EIF4E3: variants seen among roughly 807,000 people sequenced by gnomAD.
The protein encoded by EIF4E3 is eukaryotic translation initiation factor 4E type 3.
In EIF4E3, 26 loss-of-function variants were observed where a neutral mutation model predicts 31.7. The observed-to-expected ratio is 0.82, with a 90% confidence interval of 0.60 to 1.14. The LOEUF (loss-of-function observed/expected upper bound fraction) is 1.14. Ranked by LOEUF, EIF4E3 falls within the 50% of genes most tolerant of loss-of-function variation. The pLI is 0.00. For missense variants in EIF4E3, 304 were observed against 270.9 expected (o/e 1.12, Z -0.86); for synonymous variants, 128 against 107.7 (o/e 1.19, Z -1.17).
chr3:71,733,508 T>C (rs1477310309), intron 1 of EIF4E3, among the ~76,000 whole-genome samples: 1 of 152,206 alleles, frequency 6.6e-6, no homozygotes, highest in East Asian at 1.9e-4. Flanking sequence ...ATAAGAAATC[T>C]TGATACAGAA....
chr3:71,721,550 C>T (rs573142181), intron 1 of EIF4E3, among the ~76,000 whole-genome samples: 8 of 152,162 alleles, frequency 5.3e-5, no homozygotes, highest in South Asian at 2.1e-4. Context: ...TGAAGGTAAC[C>T]GGATCATGGG....
chr3:71,729,431 G>C (rs1417440263), upstream of EIF4E3, among the ~76,000 whole-genome samples: 1 of 152,160 alleles, frequency 6.6e-6, no homozygotes, highest in Non-Finnish European at 1.5e-5. Context: ...GGAGGGAATT[G>C]GCCAGTGGCT....
chr3:71,690,201 T>C, intron 5 of EIF4E3, 36 bp from the exon 6 acceptor site: 1 of 1,576,370 alleles, frequency 6.3e-7, no homozygotes, highest in Non-Finnish European at 8.6e-7. Context: ...AAATGAGTGA[T>C]ACTTCCAAGT....
chr3:71,743,869 C>G (rs986902226), intron 1 of EIF4E3, among the ~76,000 whole-genome samples: 3 of 152,104 alleles, frequency 2.0e-5, no homozygotes, highest in African/African-American at 7.2e-5. Flanking sequence ...GGTGCTGGAA[C>G]AGTTGAATAT....
At chr3:71,667,715 CA>C in the EIF4E3 span, among the ~76,000 whole-genome samples, 356 of 152,292 alleles carry the variant, frequency 2.3e-3, 1 homozygote, top group African/African-American at 7.0e-3. Context: ...AGGACCTCTT[CA>C]AGAAGAACTA....
Position 71,679,429 on chromosome 3 carries a change from T to G in EIF4E3, c.*5253A>C, listed in dbSNP as rs979892299. The G allele has an allele frequency of 1.3e-5, 2 of 152,218 alleles. No individual in the cohort carries two copies. The highest frequency in any genetic ancestry group is 4.8e-5 in the African/African-American group (2 of 41,466). 9.4% of individuals were successfully genotyped at this position (152,218 alleles called of 1,614,324 possible). A position where few individuals can be genotyped will look rare whatever the true frequency, so the allele number is the denominator to read the frequency against. On this transcript the variant is annotated 3_prime_UTR_variant, in exon 7 of 7. Coordinates refer to ENST00000425534, the MANE Select transcript of EIF4E3 (RefSeq NM_001134651.2). ...TTCATAAAGAAATCTTGCATTTCAC[T>G]AAATGAGTTGGTAACTTTTTTCAGG...
In EIF4E3 at chr3:71,696,452, G is replaced by A. The variant is rs1181823395; in HGVS notation, c.405+8C>T. The A allele has an allele frequency of 1.2e-6, 2 of 1,614,006 alleles. No homozygotes were observed. ...GCCGGTTCTAGAAGAGGATCAGTAG[G>A]AACCTACCGTGCTGTCCTTGGGGAC... On this transcript the variant is annotated splice_region_variant and intron_variant, in intron 4 of 6. Transcript: ENST00000425534.
chr3:71,693,048 G>T (rs1233247224), intron 5 of EIF4E3, among the ~76,000 whole-genome samples: 37 of 152,152 alleles, frequency 2.4e-4, no homozygotes. Context: ...AGACATCTGA[G>T]GGACAACTGA....
rs2049613994 is a variant in EIF4E3 at position 71,725,200 on chromosome 3, C to T, written c.168G>A (p.Trp56Ter). The T allele has an allele frequency of 8.9e-7, 1 of 1,122,736 alleles. No homozygotes were observed. Among genetic ancestry groups the T allele is most frequent in the Non-Finnish European group, 1.1e-6 (1 of 915,366 alleles). 69.5% of individuals were successfully genotyped at this position (1,122,736 alleles called of 1,614,324 possible). A position where few individuals can be genotyped will look rare whatever the true frequency, so the allele number is the denominator to read the frequency against. Reference sequence around the variant, plus strand: ...GCCCCGCGCCCCCTCACCTGTCGAGCCAGAAGGTCCAGGACGAGTGCAGCG... The same window carrying T: ...GCCCCGCGCCCCCTCACCTGTCGAGTCAGAAGGTCCAGGACGAGTGCAGCG... ...GVPLHSSWTFWLDRSLPGATA... is the reference protein window; with the variant it reads ...GVPLHSSWTF The change falls in exon 1 of 7, where the codon TGG becomes TGA. Residue 56 changes from tryptophan to a stop codon, truncating the protein, a stop_gained. Transcript: ENST00000425534. LOFTEE classifies it high-confidence loss of function. This position sits in a 1 kb window ranked among gnomAD's most constrained non-coding sequence, Gnocchi z 6.1.
chr3:71,709,998 T>A (rs1455090882), intron 2 of EIF4E3, among the ~76,000 whole-genome samples: 1 of 152,124 alleles, frequency 6.6e-6, no homozygotes, highest in African/African-American at 2.4e-5. Flanking sequence ...CCATGTGACC[T>A]CTAAACCTTT....
At chr3:71,704,476 C>T (rs1040584264) in intron 2 of EIF4E3, among the ~76,000 whole-genome samples, 5 of 151,962 alleles carry the variant, frequency 3.3e-5, no homozygotes, top group East Asian at 1.9e-4. Context: ...TTATTCTGGC[C>T]GGGAGGGCCT....
intron 3 of EIF4E3, among the ~76,000 whole-genome samples, chr3:71,698,926 T>C (rs188370478): frequency 6.6e-6 from 1 of 152,244 alleles, no homozygotes; most frequent in East Asian, 1.9e-4. Context: ...TTTGCTCAAA[T>C]TACATTTCTG....
chr3:71,696,349 GT>G, intron 4 of EIF4E3, 110 bp downstream of exon 4: 2 of 1,150,330 alleles, frequency 1.7e-6, no homozygotes, highest in Non-Finnish European at 2.6e-6. Flanking sequence ...CCCCCAGCCT[GT>G]TTGGGGACTG....
intron 1 of EIF4E3, among the ~76,000 whole-genome samples, chr3:71,714,363 A>C (rs568552698): frequency 1.8e-4 from 27 of 152,280 alleles, no homozygotes; most frequent in African/African-American, 6.3e-4. Context: ...AAAAGAAAGG[A>C]GATATGTCAG....
chr3:71,710,380 G>C, intron 2 of EIF4E3, 32 bp downstream of exon 2: 3 of 1,546,964 alleles, frequency 1.9e-6, no homozygotes, highest in Non-Finnish European at 2.6e-6. Flanking sequence ...CGTGTGCCGT[G>C]TTAATCCAGT....
At chr3:71,674,544 G>T (rs186311654), downstream of EIF4E3, among the ~76,000 whole-genome samples, 1,388 of 152,282 alleles carry the variant, frequency 9.1e-3, 25 homozygotes, top group African/African-American at 0.031. Context: ...GGGATGATTT[G>T]TTTTTTCCCA....
In EIF4E3 at chr3:71,676,992, T is replaced by C. The variant is rs1162331262; in HGVS notation, c.*7690A>G. ...AAACAAATGATTTAAGTTTCCTGAG[T>C]TAAAGAGGAAATTGGGGAGTAAGAG... On this transcript the variant is annotated 3_prime_UTR_variant, in exon 7 of 7. Coordinates refer to ENST00000425534, the MANE Select transcript of EIF4E3 (RefSeq NM_001134651.2). The C allele has an allele frequency of 6.6e-6, 1 of 152,132 alleles. No homozygotes were observed. Among genetic ancestry groups the C allele is most frequent in the Non-Finnish European group, 1.5e-5 (1 of 68,028 alleles). The allele number at this position is 152,132 out of a possible 1,614,324, so 9.4% of individuals were successfully genotyped here.
At chr3:71,723,467 T>C (rs9680899) in intron 1 of EIF4E3, among the ~76,000 whole-genome samples, 26,210 of 152,078 alleles carry the variant, frequency 0.17, 2,350 homozygotes, top group East Asian at 0.31. Flanking sequence ...CAAAAATGTG[T>C]AAATCAATAG....
chr3:71,719,491 G>C (rs2049513508), intron 1 of EIF4E3, among the ~76,000 whole-genome samples: 1 of 151,812 alleles, frequency 6.6e-6, no homozygotes, highest in Non-Finnish European at 1.5e-5. Context: ...ACCATGATTG[G>C]GTAGGGTTGG....
Sources: gnomAD v4.1 joint callset for allele counts (sites outside exome capture counted in the v4.1 genomes callset) on GRCh38, gnomAD v4.1.1 for gene constraint, Gnocchi (gnomAD v3.1) non-coding constraint, MANE v1.5 for transcripts, NCBI Gene and HGNC (gene_info 2026-07-23, HGNC 2026-07-21) for gene names.